RETREG1: variants seen among roughly 807,000 people sequenced by gnomAD.
The protein encoded by RETREG1 is family with sequence similarity 134 member B.
Under a neutral mutation model 54.8 loss-of-function variants are expected in RETREG1, and 44 were observed. That is an observed-to-expected ratio of 0.80 (90% CI 0.63 to 1.03). The LOEUF is 1.03. Among genes scored for constraint, RETREG1 ranks in the 50% least tolerant of loss-of-function variants. The pLI, the probability that RETREG1 is intolerant of heterozygous loss-of-function variation, is 0.00. For synonymous variants in RETREG1, 217 were observed against 238.5 expected (o/e 0.91, Z 0.83); for missense variants, 554 against 605.1 (o/e 0.92, Z 0.89).
chr5:16,498,570 G>A (rs924147883), intron 3 of RETREG1, among the ~76,000 whole-genome samples: 6 of 152,048 alleles, frequency 3.9e-5, no homozygotes, highest in South Asian at 2.1e-4. Flanking sequence ...AAGATTAGCC[G>A]GCATGGTGGT....
chr5:16,541,633 G>A (rs1741248408), intron 3 of RETREG1, among the ~76,000 whole-genome samples: 1 of 151,990 alleles, frequency 6.6e-6, no homozygotes, highest in Non-Finnish European at 1.5e-5. Flanking sequence ...GTTGCAGTGA[G>A]CCAAGATCAT....
intron 1 of RETREG1, 22 bp downstream of exon 1, chr5:16,616,627 GCCC>G (rs779274321): frequency 1.9e-6 from 3 of 1,571,004 alleles, no homozygotes; most frequent in East Asian, 4.7e-5. Context: ...CCTCCTCAGC[GCCC>G]CCACCTTGCC....
rs921794120 is a variant in RETREG1 at position 16,565,799 on chromosome 5, A to G, written c.428-6T>C. The G allele has an allele frequency of 3.7e-6, 6 of 1,613,584 alleles. No individual in the cohort carries two copies. In the African/African-American group the frequency reaches 8.0e-5, roughly 22 times the overall value. ...GCTTCTCCACAACTGTGCACCTGCA[A>G]CAGGGAGAAGCAAAATGTGAAACTT... On this transcript the variant is annotated splice_region_variant and splice_polypyrimidine_tract_variant and intron_variant, in intron 2 of 8. Coordinates refer to ENST00000306320, the MANE Select transcript of RETREG1 (RefSeq NM_001034850.3).
chr5:16,483,131 T>C, intron 4 of RETREG1: 1 of 558,422 alleles, frequency 1.8e-6, no homozygotes, highest in Middle Eastern at 4.9e-4. Context: ...ATATAAAATG[T>C]AAAACCAATC....
intron 3 of RETREG1, among the ~76,000 whole-genome samples, chr5:16,517,200 G>C (rs1427738758): frequency 6.6e-6 from 1 of 152,180 alleles, no homozygotes; most frequent in Non-Finnish European, 1.5e-5. Context: ...AGGAGTCTTG[G>C]AGAAGAGGCA....
At chr5:16,498,078 T>G (rs972872157) in intron 3 of RETREG1, among the ~76,000 whole-genome samples, 1 of 152,250 alleles carries the variant, frequency 6.6e-6, no homozygotes, top group Non-Finnish European at 1.5e-5. Flanking sequence ...AAAGTCTTCC[T>G]GAGCACAAAC....
intron 3 of RETREG1, chr5:16,508,765 G>T: frequency 6.7e-7 from 1 of 1,503,268 alleles, no homozygotes; most frequent in Non-Finnish European, 8.9e-7. Context: ...TGGAAAAAAA[G>T]TGCTCCTCCC....
At chr5:16,534,166 T>C (rs1740991435) in intron 3 of RETREG1, among the ~76,000 whole-genome samples, 1 of 151,968 alleles carries the variant, frequency 6.6e-6, no homozygotes, top group African/African-American at 2.4e-5. Context: ...GCAAAAAAAC[T>C]TGGCCGGGCA....
rs567000756 is a variant in RETREG1, at chr5:16,499,243, G to A, written c.459-15771C>T. On this transcript the variant is annotated intron_variant, in intron 3 of 8. Transcript: ENST00000306320. ...GTCACATATGCAGCCATGTCCTTAT[G>A]CGGCGTATGACTGTATTTAGAATTA... Among the ~76,000 whole-genome samples the A allele has an allele frequency of 3.3e-5, 5 of 152,180 alleles. No homozygotes were observed. In the South Asian group the frequency reaches 1.0e-3, roughly 32 times the overall value.
intron 3 of RETREG1, among the ~76,000 whole-genome samples, chr5:16,484,334 TA>T (rs1738934639): frequency 1.3e-5 from 2 of 152,150 alleles, no homozygotes; most frequent in African/African-American, 2.4e-5. Flanking sequence ...TCCTAACTCA[TA>T]AAAACATACC....
intron 1 of RETREG1, among the ~76,000 whole-genome samples, chr5:16,606,770 G>A (rs1362480192): frequency 1.3e-5 from 2 of 152,074 alleles, no homozygotes; most frequent in Non-Finnish European, 2.9e-5. Context: ...ACCACCATGT[G>A]CTCCTGCAAT....
intron 1 of RETREG1, among the ~76,000 whole-genome samples, chr5:16,611,502 G>A (rs1743342140): frequency 6.6e-6 from 1 of 152,132 alleles, no homozygotes; most frequent in African/African-American, 2.4e-5. Flanking sequence ...CGATCAGCAA[G>A]ACTTAGGAAA....
chr5:16,598,323 G>A (rs1742959962), intron 1 of RETREG1, among the ~76,000 whole-genome samples: 1 of 152,226 alleles, frequency 6.6e-6, no homozygotes, highest in South Asian at 2.1e-4. Flanking sequence ...GTGCTGGAAA[G>A]GATATCTGAC....
intron 1 of RETREG1, among the ~76,000 whole-genome samples, chr5:16,577,294 T>G (rs1296207620): frequency 6.6e-5 from 10 of 151,960 alleles, no homozygotes; most frequent in South Asian, 2.1e-4. Context: ...GGTTTGTTTT[T>G]TTTTTTTTTC....
At chr5:16,542,034 T>G (rs1329306275) in intron 3 of RETREG1, among the ~76,000 whole-genome samples, 1 of 152,166 alleles carries the variant, frequency 6.6e-6, no homozygotes, top group Non-Finnish European at 1.5e-5. Flanking sequence ...TAACCTTATT[T>G]TGGTAGATGT....
intron 8 of RETREG1, among the ~76,000 whole-genome samples, chr5:16,475,577 C>T (rs2248665): frequency 0.75 from 114,195 of 152,116 alleles, 42,918 homozygotes; most frequent in Non-Finnish European, 0.76. Context: ...CCCCATCCTG[C>T]GCCTAGGGTG....
intron 1 of RETREG1, among the ~76,000 whole-genome samples, chr5:16,581,084 C>T (rs1742464645): frequency 6.6e-6 from 1 of 152,198 alleles, no homozygotes; most frequent in Non-Finnish European, 1.5e-5. Flanking sequence ...CACAGTGGAA[C>T]ACAAGCCTCC....
chr5:16,565,941 G>T, intron 2 of RETREG1, 148 bp from the exon 3 acceptor site: 1 of 834,844 alleles, frequency 1.2e-6, no homozygotes, highest in Non-Finnish European at 2.0e-6. Context: ...AGTGTACACT[G>T]CTGGCACCAT....
At chr5:16,586,301 T>G (rs1489657376) in intron 1 of RETREG1, among the ~76,000 whole-genome samples, 1 of 152,192 alleles carries the variant, frequency 6.6e-6, no homozygotes, top group African/African-American at 2.4e-5. Context: ...AGTGGGAACT[T>G]ACAATATGAA....
Sources: allele counts gnomAD v4.1 joint callset (sites outside exome capture counted in the v4.1 genomes callset), GRCh38; gene constraint gnomAD v4.1.1; transcripts MANE v1.5; gene names NCBI Gene and HGNC (gene_info 2026-07-23, HGNC 2026-07-21).